Variants in AMER3 observed in about 807,000 individuals in gnomAD.
AMER3 encodes APC membrane recruitment protein 3.
For missense variants in AMER3, 1,201 were observed against 1,139.4 expected, an observed-to-expected ratio of 1.05 and a Z score of -0.78; for synonymous variants, 541 against 485.5, an observed-to-expected ratio of 1.11 and a Z score of -1.50.
Position 130,767,080 on chromosome 2 carries a change from T to A in AMER3, c.*2422T>A, listed in dbSNP as rs1679003552. 1 of 166,890 alleles carries A rather than the reference T, an allele frequency of 6.0e-6. No individual in the cohort carries two copies. The highest frequency in any genetic ancestry group is 2.4e-5 in the African/African-American group (1 of 41,382). 10.3% of individuals were successfully genotyped at this position (166,890 alleles called of 1,614,324 possible). On this transcript the variant is annotated 3_prime_UTR_variant, in exon 2 of 2. Transcript: ENST00000321420. ...CTTCGAATGGGGCTGTGGACCTCACTCCCCAAAATGTCACAACACATGTGC... is the reference window on the plus strand; with the variant it reads ...CTTCGAATGGGGCTGTGGACCTCACACCCCAAAATGTCACAACACATGTGC...
intron 1 of AMER3, among the ~76,000 whole-genome samples, chr2:130,758,296 G>A (rs1040062889): frequency 1.4e-4 from 22 of 151,816 alleles, no homozygotes; most frequent in African/African-American, 4.4e-4. Flanking sequence ...CCCAGGAGAC[G>A]GAGGTTGCAG....
chr2:130,762,890 C>G lies in AMER3; in HGVS notation c.818C>G (p.Thr273Ser), dbSNP rs1000148985. Residue 273 changes from threonine (T) to serine (S), a missense_variant, in exon 2 of 2, where the codon ACC becomes AGC. Physicochemically the swap from Thr to Ser is moderately conservative, Grantham distance 58. Transcript: ENST00000321420. ...LELNEGPESP[T>S]QAAQGLESKV... ...CTGAACGAGGGCCCGGAGAGCCCAA[C>G]CCAGGCTGCTCAGGGCCTGGAGAGC... The G allele has an allele frequency of 9.9e-6, 16 of 1,613,270 alleles. No homozygotes were observed. The highest frequency in any genetic ancestry group is 1.4e-5 in the Non-Finnish European group (16 of 1,179,964).
intron 1 of AMER3, chr2:130,755,943 G>A (rs568982152): frequency 8.5e-5 from 13 of 152,414 alleles, no homozygotes; most frequent in African/African-American, 3.1e-4. Context: ...AGCGGCGGGG[G>A]CGCCGTGCGC....
chr2:130,762,017 G>A lies in AMER3; in HGVS notation c.-19-37G>A, dbSNP rs1043519937. The A allele has an allele frequency of 5.1e-5, 80 of 1,562,554 alleles. No homozygotes were observed. In the East Asian group the frequency reaches 8.3e-4, roughly 16 times the overall value. ...GTCTTCCAGAGCCCAGGGCCCTCCCGTCTATGATACTGAGTGCCTCCTGCT... is the reference window on the plus strand; with the variant it reads ...GTCTTCCAGAGCCCAGGGCCCTCCCATCTATGATACTGAGTGCCTCCTGCT... On this transcript the variant is annotated intron_variant, in intron 1 of 1. Coordinates refer to ENST00000321420, the MANE Select transcript of AMER3 (RefSeq NM_152698.3).
chr2:130,757,277 C>CA (rs1678640986), intron 1 of AMER3, among the ~76,000 whole-genome samples: 2 of 152,210 alleles, frequency 1.3e-5, no homozygotes, highest in East Asian at 3.9e-4. Flanking sequence ...TGCAATAAAT[C>CA]CATGTCTGTG....
rs1346025290 is a variant in AMER3, at chr2:130,763,243, T to C, written c.1171T>C (p.Phe391Leu). The C allele has an allele frequency of 1.9e-6, 3 of 1,613,706 alleles. No individual in the cohort carries two copies. Among genetic ancestry groups the C allele is most frequent in the South Asian group, 2.2e-5 (2 of 91,080 alleles). ...STSDEGYYDS[F>L]SPGLEEDKKE... ...AAGTGACGAGGGCTACTATGATTCC[T>C]TCTCGCCAGGACTTGAGGAGGACAA... Residue 391 changes from phenylalanine (F) to leucine (L), a missense_variant, in exon 2 of 2, where the codon TTC (phenylalanine) becomes CTC (leucine). Transcript: ENST00000321420.
At position 130,762,405 on chromosome 2, in the gene AMER3, G is replaced by T; in HGVS notation, c.333G>T (p.Leu111=). Residue 111 remains leucine (L), a synonymous_variant, in exon 2 of 2, where the codon CTG becomes CTT. Coordinates refer to ENST00000321420, the MANE Select transcript of AMER3 (RefSeq NM_152698.3). ...GGGCCACGGCTGCCACAGGGCAGCT[G>T]GTGGGCAGTGCAAGCTTCCCGGGCT... ...AGRATAATGQ[L]VGSASFPGSP... 5 of 1,612,358 alleles carry T rather than the reference G, an allele frequency of 3.1e-6. No individual in the cohort carries two copies. The highest frequency in any genetic ancestry group is 4.2e-6 in the Non-Finnish European group (5 of 1,179,816).
intron 1 of AMER3, among the ~76,000 whole-genome samples, chr2:130,760,416 C>G (rs575101949): frequency 6.6e-6 from 1 of 152,212 alleles, no homozygotes; most frequent in African/African-American, 2.4e-5. Flanking sequence ...AGAAGCATTT[C>G]AGGGTCTCTG....
rs761116059 is a variant in AMER3 at position 130,763,264 on chromosome 2, G to A, written c.1192G>A (p.Asp398Asn). 1.9e-6 allele frequency: 3 copies of A among 1,613,858 alleles called. No homozygotes were observed. Among genetic ancestry groups the A allele is most frequent in the African/African-American group, 1.3e-5 (1 of 75,050 alleles). The change falls in exon 2 of 2, where the codon GAC becomes AAC. Residue 398 changes from aspartate (D) to asparagine (N), a missense_variant. Physicochemically the swap from Asp to Asn is conservative, Grantham distance 23. Transcript: ENST00000321420. ...YDSFSPGLEE[D>N]KKEAESPGTP... ...TTCCTTCTCGCCAGGACTTGAGGAG[G>A]ACAAGAAGGAAGCTGAGAGCCCAGG...
chr2:130,764,466 C>G lies in AMER3; in HGVS notation c.2394C>G (p.Ala798=). Residue 798 remains alanine (A), a synonymous_variant, in exon 2 of 2, where the codon GCC becomes GCG. Coordinates refer to ENST00000321420, the MANE Select transcript of AMER3 (RefSeq NM_152698.3). ...AGCTGGACTCTGAGCCCCGCTCAGC[C>G]CCTGCTGCCCGGTGGAGTTCCCAGG... is the stretch of plus-strand genomic sequence containing the variant. ...GSQLDSEPRS[A]PAARWSSQGH... is the part of the protein sequence containing the mutation. 1 of 1,599,194 alleles carries G rather than the reference C, an allele frequency of 6.3e-7. No individual in the cohort carries two copies.
chr2:130,763,131 C>T lies in AMER3; in HGVS notation c.1059C>T (p.Cys353=), dbSNP rs1219477696. The T allele has an allele frequency of 6.2e-7, 1 of 1,613,328 alleles. No homozygotes were observed. Among genetic ancestry groups the T allele is most frequent in the African/African-American group, 1.3e-5 (1 of 74,930 alleles). The change falls in exon 2 of 2, where the codon TGC becomes TGT. Residue 353 remains cysteine (C), a synonymous_variant. Transcript: ENST00000321420. ...DTAGLAELPL[C]PCRDPRSGSK... The stretch of plus-strand genomic sequence containing the variant: ...CTGGGCTCGCTGAGCTGCCCCTCTG[C>T]CCCTGCAGGGACCCTCGCAGCGGCT...
At chr2:130,761,937 T>A in intron 1 of AMER3, 117 bp from the exon 2 acceptor site, 1 of 993,360 alleles carries the variant, frequency 1.0e-6, no homozygotes, top group Non-Finnish European at 1.5e-6. Context: ...GCAAGGAGGA[T>A]CTCCTGGGAC....
intron 1 of AMER3, among the ~76,000 whole-genome samples, chr2:130,759,705 A>G (rs1036186020): frequency 2.0e-5 from 3 of 152,190 alleles, no homozygotes; most frequent in Non-Finnish European, 4.4e-5. Flanking sequence ...ATTTCCCACA[A>G]AAGAGTCTGA....
intron 1 of AMER3, chr2:130,756,238 G>C (rs1678603694): frequency 6.8e-6 from 1 of 148,136 alleles, no homozygotes; most frequent in African/African-American, 2.4e-5. Flanking sequence ...GAGCCGCGGT[G>C]GGTGGGTGCG....
chr2:130,756,805 T>G (rs1474238458), intron 1 of AMER3, among the ~76,000 whole-genome samples: 2 of 151,760 alleles, frequency 1.3e-5, no homozygotes, highest in East Asian at 1.9e-4. Flanking sequence ...TCTGTTTTAT[T>G]CCCCATTCCC....
rs764804784 is a variant in AMER3 at position 130,764,035 on chromosome 2, C to T, written c.1963C>T (p.Arg655Ter). ...PGPPGVLGCF[R>*]GPWRPGHGGD... ...GCCACCAGGGGTCCTGGGGTGTTTC[C>T]GAGGCCCCTGGAGGCCAGGTCACGG... The change falls in exon 2 of 2, where the codon CGA (arginine) becomes TGA (stop). Residue 655 changes from arginine (R) to a stop codon, truncating the protein, a stop_gained. Coordinates refer to ENST00000321420, the MANE Select transcript of AMER3 (RefSeq NM_152698.3). LOFTEE classifies it low-confidence loss of function (END_TRUNC). The T allele has an allele frequency of 1.7e-5, 28 of 1,612,726 alleles. No individual in the cohort carries two copies. Among genetic ancestry groups the T allele is most frequent in the Non-Finnish European group, 1.9e-5 (23 of 1,179,736 alleles).
Position 130,764,189 on chromosome 2 carries a change from T to C in AMER3, c.2117T>C (p.Phe706Ser). The C allele has an allele frequency of 1.9e-6, 3 of 1,607,860 alleles. No individual in the cohort carries two copies. The highest frequency in any genetic ancestry group is 2.5e-6 in the Non-Finnish European group (3 of 1,176,646). ...PPRQDMGSGLFGQRWARGPDM... is the reference protein window; with the variant it reads ...PPRQDMGSGLSGQRWARGPDM... Reference sequence around the variant, plus strand: ...AGGCAAGACATGGGCAGTGGGCTCTTTGGGCAGCGCTGGGCCAGGGGCCCT... The same window carrying C: ...AGGCAAGACATGGGCAGTGGGCTCTCTGGGCAGCGCTGGGCCAGGGGCCCT... The change falls in exon 2 of 2, where the codon TTT (phenylalanine) becomes TCT (serine). Residue 706 changes from phenylalanine to serine, a missense_variant. Phe to Ser is a radical substitution (Grantham distance 155). Transcript: ENST00000321420.
rs779114161 is a variant in AMER3 at position 130,764,082 on chromosome 2, G to A, written c.2010G>A (p.Glu670=). 5 of 1,611,988 alleles carry A rather than the reference G, an allele frequency of 3.1e-6. No individual in the cohort carries two copies. The South Asian group carries it at 5.5e-5, about 18-fold the overall frequency. ...PGHGGDTLDA[E]PMLAGCVARV... ...ACGGAGGTGACACTCTGGATGCAGA[G>A]CCCATGCTGGCAGGCTGTGTGGCCC... Residue 670 remains glutamate, a synonymous_variant, in exon 2 of 2, where the codon GAG becomes GAA. Transcript: ENST00000321420.
rs200150967 is a variant in AMER3, at chr2:130,764,458, C to A, written c.2386C>A (p.Arg796Ser). 1 of 1,600,462 alleles carries A rather than the reference C, an allele frequency of 6.2e-7. No individual in the cohort carries two copies. The highest frequency in any genetic ancestry group is 2.3e-5 in the East Asian group (1 of 44,240). The change falls in exon 2 of 2, where the codon CGC (arginine) becomes AGC (serine). Residue 796 changes from arginine (R) to serine (S), a missense_variant. By Grantham distance (110) the Arg-to-Ser change is moderately radical. Transcript: ENST00000321420. Reference protein sequence around the residue: ...AHGSQLDSEPRSAPAARWSSQ... With the variant: ...AHGSQLDSEPSSAPAARWSSQ... ...CGGCAGCCAGCTGGACTCTGAGCCCCGCTCAGCCCCTGCTGCCCGGTGGAG... is the reference window on the plus strand; with the variant it reads ...CGGCAGCCAGCTGGACTCTGAGCCCAGCTCAGCCCCTGCTGCCCGGTGGAG...
Sources: allele counts gnomAD v4.1 joint callset (sites outside exome capture counted in the v4.1 genomes callset), GRCh38; gene constraint gnomAD v4.1.1; transcripts MANE v1.5; gene names NCBI Gene and HGNC (gene_info 2026-07-23, HGNC 2026-07-21).